NRG4: variants seen among roughly 807,000 people sequenced by gnomAD.
NRG4 encodes the protein neuregulin 4.
Under a neutral mutation model 15.0 loss-of-function variants are expected in NRG4, and 10 were observed. The observed-to-expected ratio is 0.67, with a 90% CI of 0.41 to 1.13. The LOEUF (loss-of-function observed/expected upper bound fraction) is 1.13. Ranked by LOEUF, NRG4 falls within the 50% of genes most tolerant of loss-of-function variation. The probability of loss-of-function intolerance (pLI) is 0.00; values close to 1 mark genes in which losing one functional copy is unlikely to be tolerated. For synonymous variants in NRG4, 41 were observed against 50.1 expected, an observed-to-expected ratio of 0.82 and a Z score of 0.77; for missense variants, 139 against 140.2, an observed-to-expected ratio of 0.99 and a Z score of 0.04.
chr15:76,012,591 A>G (rs2034850047), upstream of NRG4: 1 of 152,120 alleles, frequency 6.6e-6, no homozygotes, highest in Non-Finnish European at 1.5e-5. Context: ...TGCACTTCCA[A>G]ATTACTGTCC....
chr15:75,943,378 T>C lies in NRG4; in HGVS notation c.*260A>G. The C allele has an allele frequency of 2.3e-6, 1 of 443,636 alleles. No individual in the cohort carries two copies. The highest frequency in any genetic ancestry group is 4.0e-6 in the Non-Finnish European group (1 of 251,166). The allele number at this position is 443,636 out of a possible 1,614,324, so 27.5% of individuals were successfully genotyped here. ...CTCTGGTTGCTTCAGCACATCAGCT[T>C]TCTGGGGAGAGTCATGTTGAACCAA... On this transcript the variant is annotated 3_prime_UTR_variant, in exon 6 of 6. Coordinates refer to ENST00000394907, the MANE Select transcript of NRG4 (RefSeq NM_138573.4).
chr15:76,003,999 T>A (rs1295341507), intron 3 of NRG4, among the ~76,000 whole-genome samples: 1 of 152,236 alleles, frequency 6.6e-6, no homozygotes, highest in Non-Finnish European at 1.5e-5. Context: ...TAAAAGCTAG[T>A]ATTATCATAA....
At chr15:76,013,791 C>T (rs575389586), upstream of NRG4, among the ~76,000 whole-genome samples, 4 of 152,028 alleles carry the variant, frequency 2.6e-5, no homozygotes, top group East Asian at 1.9e-4. Context: ...TGAACAGTGC[C>T]GCAATAAACA....
chr15:76,034,297 G>C (rs922033358), intron 5 of NRG4, among the ~76,000 whole-genome samples: 9 of 152,178 alleles, frequency 5.9e-5, no homozygotes, highest in Admixed American at 1.3e-4. Context: ...ATAATGGGAA[G>C]CACACATTGT....
intron 3 of NRG4, among the ~76,000 whole-genome samples, chr15:75,971,897 C>T (rs542264996): frequency 1.3e-5 from 2 of 152,224 alleles, no homozygotes; most frequent in Middle Eastern, 3.4e-3. Flanking sequence ...AATGGGATTG[C>T]TGGGTCAAAT....
At chr15:76,028,916 A>AG (rs1472808310) in intron 5 of NRG4, among the ~76,000 whole-genome samples, 4 of 151,688 alleles carry the variant, frequency 2.6e-5, no homozygotes, top group African/African-American at 4.8e-5. Flanking sequence ...AAAAAAAAAA[A>AG]AAAAAAAAAA....
At chr15:75,970,235 TGA>T (rs1354487931) in intron 3 of NRG4, among the ~76,000 whole-genome samples, 1 of 152,236 alleles carries the variant, frequency 6.6e-6, no homozygotes, top group African/African-American at 2.4e-5. Context: ...GCAAAATTGC[TGA>T]GAGACCAAAA....
chr15:75,941,951 A>AC lies in NRG4; in HGVS notation c.*1686_*1687insG, dbSNP rs1416687697. Reference sequence around the variant, plus strand: ...AATTTTTAAACCACCAAAAAAAAAAAAAAAAAAAAATATGGCCTAGCTTTT... The same window carrying AC: ...AATTTTTAAACCACCAAAAAAAAAAACAAAAAAAAAATATGGCCTAGCTTTT... On this transcript the variant is annotated 3_prime_UTR_variant, in exon 6 of 6. Transcript: ENST00000394907. 5 of 118,282 alleles carry AC rather than the reference A, an allele frequency of 4.2e-5. No homozygotes were observed. The highest frequency in any genetic ancestry group is 2.4e-4 in the East Asian group (1 of 4,248). The allele number at this position is 118,282 out of a possible 1,614,324, so 7.3% of individuals were successfully genotyped here.
At chr15:75,951,621 C>G (rs1240589917) in intron 5 of NRG4, among the ~76,000 whole-genome samples, 2 of 152,144 alleles carry the variant, frequency 1.3e-5, no homozygotes, top group African/African-American at 4.8e-5. Flanking sequence ...ACAGGTTGCT[C>G]TAGAGTTTCT....
At chr15:76,011,446 T>A (rs1323160675) in intron 1 of NRG4, among the ~76,000 whole-genome samples, 160 bp from the exon 2 acceptor site, 1 of 152,196 alleles carries the variant, frequency 6.6e-6, no homozygotes, top group Non-Finnish European at 1.5e-5. Flanking sequence ...CATTTTTAGA[T>A]ACCTATTGCA....
chr15:76,052,257 T>A (rs2036037319), intron 3 of NRG4: 1 of 147,008 alleles, frequency 6.8e-6, no homozygotes, highest in African/African-American at 2.5e-5. Context: ...AGAATATATA[T>A]GCAAATTTCA....
intron 5 of NRG4, among the ~76,000 whole-genome samples, chr15:75,953,517 A>G (rs2032038229): frequency 6.6e-6 from 1 of 152,124 alleles, no homozygotes; most frequent in South Asian, 2.1e-4. Flanking sequence ...TTTGAAAGAT[A>G]TTTTTGCTGG....
chr15:76,014,145 T>G, upstream of NRG4, among the ~76,000 whole-genome samples: 1 of 152,232 alleles, frequency 6.6e-6, no homozygotes, highest in East Asian at 1.9e-4. Flanking sequence ...TGTCTTATTT[T>G]GAAGACTGTC....
At chr15:75,946,444 G>A (rs4489969) in intron 5 of NRG4, among the ~76,000 whole-genome samples, 5,408 of 152,176 alleles carry the variant, frequency 0.036, 163 homozygotes, top group African/African-American at 0.081. Context: ...TGCAAGCTCC[G>A]CCTCCCGGGT....
intron 3 of NRG4, among the ~76,000 whole-genome samples, chr15:75,989,518 A>T (rs554792033): frequency 3.9e-5 from 6 of 152,266 alleles, no homozygotes; most frequent in Non-Finnish European, 7.4e-5. Flanking sequence ...CTGAAAAAAA[A>T]AAATCTATTT....
At chr15:76,025,572 T>C (rs1374110939) in intron 5 of NRG4, among the ~76,000 whole-genome samples, 1 of 151,836 alleles carries the variant, frequency 6.6e-6, no homozygotes, top group East Asian at 1.9e-4. Flanking sequence ...ATTCAATTAA[T>C]GAAATAAAAA....
chr15:76,040,373 C>A (rs1029551623), intron 4 of NRG4, among the ~76,000 whole-genome samples: 1 of 152,032 alleles, frequency 6.6e-6, no homozygotes, highest in Non-Finnish European at 1.5e-5. Context: ...CCCAGACAAG[C>A]AAAAGCTAAG....
intron 4 of NRG4, among the ~76,000 whole-genome samples, chr15:76,042,606 A>G (rs1050572579): frequency 6.6e-6 from 1 of 152,156 alleles, no homozygotes; most frequent in Non-Finnish European, 1.5e-5. Flanking sequence ...AGATTCAACC[A>G]TGAAGAAATC....
At chr15:76,022,359 T>C (rs575052682) in intron 5 of NRG4, among the ~76,000 whole-genome samples, 3 of 152,278 alleles carry the variant, frequency 2.0e-5, no homozygotes, top group African/African-American at 7.2e-5. Flanking sequence ...TTTTGACTTA[T>C]ACAAATGACA....
Sources: gnomAD v4.1 joint callset for allele counts (sites outside exome capture counted in the v4.1 genomes callset) on GRCh38, gnomAD v4.1.1 for gene constraint, MANE v1.5 for transcripts, NCBI Gene and HGNC (gene_info 2026-07-23, HGNC 2026-07-21) for gene names.